Variants in BCAS2 observed in about 807,000 individuals in gnomAD.
BCAS2 encodes BCAS2 pre-mRNA processing factor.
BCAS2 carries 34 observed loss-of-function variants against 35.3 expected under a neutral mutation model. The ratio of observed to expected loss-of-function variants is 0.96; its 90% CI spans 0.73 to 1.28. The LOEUF is 1.28. Ranked by LOEUF, BCAS2 falls within the 50% of genes most tolerant of loss-of-function variation. The pLI is 0.00. For synonymous variants in BCAS2, 75 were observed against 91.6 expected, an observed-to-expected ratio of 0.82 and a Z score of 1.03; for missense variants, 221 against 268.1, an observed-to-expected ratio of 0.82 and a Z score of 1.23.
chr1:114,576,113 A>T (rs752645946), intron 3 of BCAS2, among the ~76,000 whole-genome samples: 22 of 151,966 alleles, frequency 1.4e-4, no homozygotes, highest in Non-Finnish European at 3.1e-4. Context: ...TAAAATACTC[A>T]CACCCACCCA....
At chr1:114,571,117 G>A (rs1172531575) in intron 4 of BCAS2, among the ~76,000 whole-genome samples, 1 of 151,756 alleles carries the variant, frequency 6.6e-6, no homozygotes, top group African/African-American at 2.4e-5. Context: ...GCGAAGTGGT[G>A]AGATCTCAGC....
At chr1:114,576,815 C>T in intron 2 of BCAS2, 57 bp from the exon 3 acceptor site, 1 of 1,333,692 alleles carries the variant, frequency 7.5e-7, no homozygotes, top group Non-Finnish European at 1.1e-6. Flanking sequence ...TAAAAATTAA[C>T]AATCACCAAA....
chr1:114,581,517 G>T lies in BCAS2; in HGVS notation c.75C>A (p.Ala25=). ...CACTCACCGCTTCCCGCACACCAGG[G>T]GCTTCATAACCTTGATCAAAATACG... ...ALPYFDQGYE[A]PGVREAAAAL... The change falls in exon 1 of 7, where the codon GCC becomes GCA. Residue 25 remains alanine (A), a synonymous_variant. Transcript: ENST00000369541. 1 of 1,614,114 alleles carries T rather than the reference G, an allele frequency of 6.2e-7. No individual in the cohort carries two copies. The highest frequency in any genetic ancestry group is 8.5e-7 in the Non-Finnish European group (1 of 1,180,028).
intron 4 of BCAS2, among the ~76,000 whole-genome samples, chr1:114,572,813 A>C (rs1479061776): frequency 2.0e-5 from 3 of 152,064 alleles, no homozygotes; most frequent in Non-Finnish European, 2.9e-5. Context: ...AAGCCCTTGA[A>C]TACCACGTTA....
rs113493679 is a variant in BCAS2, at chr1:114,577,377, A to AT, written c.187-620dup. Reference sequence around the variant, plus strand: ...CAAGAAATAATTTATTTATTTATTTATTTTTTTTTTGTGAGACGAAGTCTC... The same window carrying AT: ...CAAGAAATAATTTATTTATTTATTTATTTTTTTTTTTGTGAGACGAAGTCTC... On this transcript the variant is annotated intron_variant, in intron 2 of 6. Transcript: ENST00000369541. 6.9e-3 allele frequency among the ~76,000 whole-genome samples: 1,028 copies of AT among 149,876 alleles called. 15 individuals are homozygous for AT. The highest frequency in any genetic ancestry group is 0.024 in the African/African-American group (966 of 40,986).
intron 4 of BCAS2, among the ~76,000 whole-genome samples, chr1:114,575,363 ATT>A (rs34989850): frequency 3.1e-4 from 41 of 133,736 alleles, no homozygotes; most frequent in Non-Finnish European, 3.2e-4. Flanking sequence ...AATTTTTTGT[ATT>A]TTTTTTTTTT....
intron 4 of BCAS2, 23 bp from the exon 5 acceptor site, chr1:114,570,773 GATTAAAATAC>G: frequency 6.6e-7 from 1 of 1,510,432 alleles, no homozygotes; most frequent in Non-Finnish European, 9.1e-7. Context: ...AGGAAAATCA[GATTAAAATAC>G]ATTAAAATAG....
rs139925041 is a variant in BCAS2, at chr1:114,572,378, T to C, written c.420-1628A>G. Among the ~76,000 whole-genome samples the C allele has an allele frequency of 3.3e-5, 5 of 152,344 alleles. No individual in the cohort carries two copies. The East Asian group carries it at 7.7e-4, about 24-fold the overall frequency. On this transcript the variant is annotated intron_variant, in intron 4 of 6. Coordinates refer to ENST00000369541, the MANE Select transcript of BCAS2 (RefSeq NM_005872.3). The stretch of plus-strand genomic sequence containing the variant: ...CTGACCACTAACAGGGAGCTTTCCT[T>C]TGAATTGGCTCTCCCTGAAAGTTTA...
chr1:114,575,727 A>G lies in BCAS2; in HGVS notation c.282T>C (p.Ser94=), dbSNP rs529186369. 4 of 1,612,812 alleles carry G rather than the reference A, an allele frequency of 2.5e-6. No homozygotes were observed. The East Asian group carries it at 8.9e-5, about 36-fold the overall frequency. ...ATGCAGTAATGTCATTTTTTTGACC[A>G]GAGGAGGGGGCTGGAAGCTCATATC... The part of the protein sequence containing the change: ...MKRYELPAPS[S]GQKNDITAWQ... Residue 94 remains serine, a synonymous_variant, in exon 4 of 7, where the codon TCT becomes TCC. Coordinates refer to ENST00000369541, the MANE Select transcript of BCAS2 (RefSeq NM_005872.3).
intron 4 of BCAS2, among the ~76,000 whole-genome samples, chr1:114,574,573 CAGTGTTCATAGG>C (rs1258705889): frequency 2.0e-5 from 3 of 152,172 alleles, no homozygotes; most frequent in African/African-American, 7.2e-5. Context: ...TTTGCTAATT[CAGTGTTCATAGG>C]ACTTAAAGAA....
chr1:114,581,306 G>A lies in BCAS2; in HGVS notation c.179C>T (p.Ala60Val), dbSNP rs1233739034. 1.9e-6 allele frequency: 3 copies of A among 1,614,102 alleles called. No homozygotes were observed. The highest frequency in any genetic ancestry group is 2.5e-6 in the Non-Finnish European group (3 of 1,179,960). ...GGCTCAAGACATACTTACTTCAAAG[G>A]CAGAATAATCCGGGGCTGTCAGGTA... The part of the protein sequence containing the change: ...LSYLTAPDYS[A>V]FETDIMRNEF... Residue 60 changes from alanine (A) to valine (V), a missense_variant, in exon 2 of 7, where the codon GCC (alanine) becomes GTC (valine). Transcript: ENST00000369541.
chr1:114,570,592 TTG>T, intron 5 of BCAS2, 106 bp downstream of exon 5: 1 of 777,968 alleles, frequency 1.3e-6, no homozygotes, highest in Non-Finnish European at 2.1e-6. Flanking sequence ...AGTGGATCAA[TTG>T]TTTACTTTCA....
intron 4 of BCAS2, 57 bp from the exon 5 acceptor site, chr1:114,570,807 T>A (rs1654623599): frequency 5.5e-6 from 7 of 1,281,516 alleles, no homozygotes; most frequent in Non-Finnish European, 7.7e-6. Flanking sequence ...CAATTAAAAG[T>A]GAACTTTTTC....
At chr1:114,576,431 T>TTTGTTA (rs1654768114) in intron 3 of BCAS2, among the ~76,000 whole-genome samples, 1 of 147,004 alleles carries the variant, frequency 6.8e-6, no homozygotes, top group African/African-American at 2.5e-5. Context: ...CCCAGGTACG[T>TTTGTTA]TTATTATTAT....
intron 3 of BCAS2, among the ~76,000 whole-genome samples, chr1:114,576,254 T>C (rs1303500626): frequency 6.7e-6 from 1 of 149,496 alleles, no homozygotes; most frequent in African/African-American, 2.5e-5. Flanking sequence ...TCTCTATATA[T>C]ATATATATAT....
chr1:114,577,999 T>C (rs1389151790), intron 2 of BCAS2, among the ~76,000 whole-genome samples: 1 of 152,178 alleles, frequency 6.6e-6, no homozygotes, highest in Non-Finnish European at 1.5e-5. Flanking sequence ...AAGACCATCC[T>C]GGCCAACAAG....
At chr1:114,572,737 C>G (rs2101627386) in intron 4 of BCAS2, among the ~76,000 whole-genome samples, 1 of 152,214 alleles carries the variant, frequency 6.6e-6, no homozygotes, top group East Asian at 1.9e-4. Context: ...GCAGGATTTG[C>G]AATAATCACC....
At chr1:114,575,817 T>C in intron 3 of BCAS2, 66 bp from the exon 4 acceptor site, 1 of 1,533,688 alleles carries the variant, frequency 6.5e-7, no homozygotes, top group Non-Finnish European at 8.8e-7. Context: ...CTCTTCTCAG[T>C]AGAATGTCCC....
At chr1:114,573,151 A>C (rs1253050235) in intron 4 of BCAS2, among the ~76,000 whole-genome samples, 1 of 119,766 alleles carries the variant, frequency 8.3e-6, no homozygotes, top group Non-Finnish European at 1.7e-5. Context: ...AAAAAAAAAA[A>C]CTTGGCCTCT....
Sources: gnomAD v4.1 joint callset for allele counts (sites outside exome capture counted in the v4.1 genomes callset) on GRCh38, gnomAD v4.1.1 for gene constraint, MANE v1.5 for transcripts, NCBI Gene and HGNC (gene_info 2026-07-23, HGNC 2026-07-21) for gene names.